The following BBS7 variants were observed in gnomAD, a reference collection of about 807,000 sequenced individuals.
The protein encoded by BBS7 is Bardet-Biedl syndrome 7.
Under a neutral mutation model 90.3 loss-of-function variants are expected in BBS7, and 50 were observed. The ratio of observed to expected loss-of-function variants is 0.55; its 90% CI spans 0.44 to 0.70. The LOEUF is 0.70. Among genes scored for constraint, BBS7 ranks in the 30% least tolerant of loss-of-function variants. BBS7 has a pLI of 0.00. For synonymous variants in BBS7, 235 were observed against 287.4 expected (o/e 0.82, Z 1.85); for missense variants, 729 against 838.9 (o/e 0.87, Z 1.62).
At position 121,845,591 on chromosome 4, in the gene BBS7, T is replaced by C. The variant is rs1725966069; in HGVS notation, c.1143A>G (p.Ile381Met). Reference sequence around the variant, plus strand: ...CTTTATTTAGTGTAAATTTATCATTTATACCAAAGGAAGGTACTGCTGATT... The same window carrying C: ...CTTTATTTAGTGTAAATTTATCATTCATACCAAAGGAAGGTACTGCTGATT... ...KAKSAVPSFG[I>M]NDKFTLNKDD... is the part of the protein sequence containing the mutation. The change falls in exon 11 of 19, where the codon ATA becomes ATG. Residue 381 changes from isoleucine (I) to methionine (M), a missense_variant. Ile to Met is a conservative substitution (Grantham distance 10). Transcript: ENST00000264499. 3 of 1,612,960 alleles carry C rather than the reference T, an allele frequency of 1.9e-6. No homozygotes were observed. The highest frequency in any genetic ancestry group is 1.7e-6 in the Non-Finnish European group (2 of 1,179,222).
At chr4:121,851,900 T>C (rs573897007) in intron 8 of BBS7, among the ~76,000 whole-genome samples, 9 of 152,240 alleles carry the variant, frequency 5.9e-5, no homozygotes, top group Non-Finnish European at 1.3e-4. Flanking sequence ...GTGCCAGACC[T>C]GGCAGAACAG....
intron 13 of BBS7, 52 bp from the exon 14 acceptor site, chr4:121,835,335 T>C (rs1419846897): frequency 1.0e-5 from 16 of 1,597,582 alleles, no homozygotes; most frequent in Non-Finnish European, 1.4e-5. Flanking sequence ...CAACAAAACA[T>C]ATCTTTAGAA....
At chr4:121,842,416 C>T (rs1202989664) in intron 12 of BBS7, among the ~76,000 whole-genome samples, 1 of 151,634 alleles carries the variant, frequency 6.6e-6, no homozygotes, top group Non-Finnish European at 1.5e-5. Context: ...GGGAGGATCA[C>T]TTAGGCCCAG....
At chr4:121,867,928 C>T (rs945564716) in intron 2 of BBS7, 53 bp downstream of exon 2, 45 of 1,394,202 alleles carry the variant, frequency 3.2e-5, no homozygotes, top group Non-Finnish European at 4.3e-5. Flanking sequence ...AAATAGGAGC[C>T]TCTCCTCTGT....
intron 2 of BBS7, among the ~76,000 whole-genome samples, chr4:121,865,241 CT>C (rs35421537): frequency 0.66 from 94,655 of 142,518 alleles, 31,302 homozygotes; most frequent in Admixed American, 0.75. Context: ...TCTTCTCTCT[CT>C]TTTTTTTTTT....
intron 5 of BBS7, 79 bp from the exon 6 acceptor site, chr4:121,855,640 C>T: frequency 1.7e-6 from 2 of 1,210,856 alleles, no homozygotes; most frequent in Non-Finnish European, 2.4e-6. Context: ...CATCAATATT[C>T]AAATACAGTA....
chr4:121,848,751 G>T, intron 9 of BBS7, 93 bp downstream of exon 9: 1 of 1,060,970 alleles, frequency 9.4e-7, no homozygotes, highest in Non-Finnish European at 1.4e-6. Flanking sequence ...TACTATAACT[G>T]TTTTTTAAAA....
At chr4:121,847,660 T>C (rs779987138) in intron 9 of BBS7, among the ~76,000 whole-genome samples, 154 bp from the exon 10 acceptor site, 6 of 151,974 alleles carry the variant, frequency 3.9e-5, no homozygotes, top group Non-Finnish European at 8.8e-5. Context: ...AAACAAAACA[T>C]AAAATCAAGC....
At chr4:121,861,344 A>C (rs1726967804) in intron 4 of BBS7, 160 bp downstream of exon 4, 1 of 673,596 alleles carries the variant, frequency 1.5e-6, no homozygotes. Context: ...AACCAATTTA[A>C]TATTGATTGT....
chr4:121,860,334 T>C (rs1037939528), intron 4 of BBS7, among the ~76,000 whole-genome samples: 1 of 152,112 alleles, frequency 6.6e-6, no homozygotes, highest in Non-Finnish European at 1.5e-5. Context: ...GGAAAGGATA[T>C]GTGGTGACTA....
At chr4:121,837,860 T>C (rs940451229) in intron 13 of BBS7, among the ~76,000 whole-genome samples, 36 of 152,174 alleles carry the variant, frequency 2.4e-4, no homozygotes, top group African/African-American at 8.4e-4. Flanking sequence ...ATCCCAGCAC[T>C]TTGGGAGGCC....
In BBS7 at chr4:121,848,825, C is replaced by A. The variant is rs1177356597; in HGVS notation, c.934+19G>T. On this transcript the variant is annotated intron_variant, in intron 9 of 18. Transcript: ENST00000264499. The stretch of plus-strand genomic sequence containing the variant: ...TGTTGTTGACTCTTTCTTCAATTAC[C>A]TATTATCATTTACTTTACCTGAATA... The A allele has an allele frequency of 6.3e-7, 1 of 1,593,068 alleles. No homozygotes were observed. The highest frequency in any genetic ancestry group is 2.2e-5 in the East Asian group (1 of 44,724).
chr4:121,827,903 C>T (rs1031604302), intron 18 of BBS7: 22 of 1,254,254 alleles, frequency 1.8e-5, no homozygotes, highest in Non-Finnish European at 2.2e-5. Flanking sequence ...TAATTCATCA[C>T]AGTATACTTA....
chr4:121,858,665 T>G, intron 5 of BBS7: 1 of 250,668 alleles, frequency 4.0e-6, no homozygotes. Flanking sequence ...TTGGGGAAGA[T>G]AAAGGTGATG....
At chr4:121,828,339 T>C in intron 17 of BBS7, 63 bp downstream of exon 17, 1 of 1,592,658 alleles carries the variant, frequency 6.3e-7, no homozygotes, top group Non-Finnish European at 8.6e-7. Context: ...AAAGTATTGA[T>C]AATTTTAGAA....
chr4:121,826,394 C>G (rs1457029506), intron 18 of BBS7, among the ~76,000 whole-genome samples: 2 of 152,128 alleles, frequency 1.3e-5, no homozygotes, highest in African/African-American at 2.4e-5. Flanking sequence ...ATATGTTGAC[C>G]ATTCTTGGGA....
intron 10 of BBS7, 116 bp downstream of exon 10, chr4:121,847,288 A>G (rs1167169655): frequency 1.4e-6 from 1 of 695,516 alleles, no homozygotes; most frequent in African/African-American, 1.8e-5. Context: ...AAGGTGATAA[A>G]CTAATTAATT....
intron 5 of BBS7, among the ~76,000 whole-genome samples, chr4:121,856,057 C>A (rs1047731403): frequency 1.3e-5 from 2 of 152,088 alleles, no homozygotes; most frequent in Non-Finnish European, 2.9e-5. Context: ...TGCCTGAAAA[C>A]TTGACACTGG....
chr4:121,847,580 C>T, intron 9 of BBS7, 74 bp from the exon 10 acceptor site: 7 of 1,046,458 alleles, frequency 6.7e-6, no homozygotes, highest in Non-Finnish European at 1.0e-5. Context: ...CATTGTATAG[C>T]AGAAACTCCA....
Sources: gnomAD v4.1 joint callset for allele counts (sites outside exome capture counted in the v4.1 genomes callset) on GRCh38, gnomAD v4.1.1 for gene constraint, MANE v1.5 for transcripts, NCBI Gene and HGNC (gene_info 2026-07-23, HGNC 2026-07-21) for gene names.